B3GALT1: variants seen among roughly 807,000 people sequenced by gnomAD.
B3GALT1 encodes the protein beta-1,3-galactosyltransferase 1.
Under a neutral mutation model 23.2 loss-of-function variants are expected in B3GALT1, and 10 were observed. The observed-to-expected ratio is 0.43, with a 90% CI of 0.27 to 0.73. B3GALT1 has a LOEUF of 0.73. Ranked by LOEUF, B3GALT1 falls within the 30% of genes least tolerant of loss-of-function variation. The pLI is 0.21. For missense variants in B3GALT1, 299 were observed against 405.4 expected, an observed-to-expected ratio of 0.74 and a Z score of 2.25; for synonymous variants, 156 against 141.5, an observed-to-expected ratio of 1.10 and a Z score of -0.73.
At chr2:167,298,530 A>C (rs1385561559) in intron 1 of B3GALT1, among the ~76,000 whole-genome samples, 1 of 152,132 alleles carries the variant, frequency 6.6e-6, no homozygotes, top group African/African-American at 2.4e-5. Context: ...GTAACTTTGC[A>C]AGTAAAATAT....
At chr2:167,627,589 A>G (rs762388690) in intron 2 of B3GALT1, among the ~76,000 whole-genome samples, 4 of 151,698 alleles carry the variant, frequency 2.6e-5, no homozygotes, top group Non-Finnish European at 5.9e-5. Context: ...GACATTTGAA[A>G]TGTTGCGAGA....
chr2:167,501,842 A>C (rs886793366), intron 2 of B3GALT1, among the ~76,000 whole-genome samples: 3 of 152,054 alleles, frequency 2.0e-5, no homozygotes, highest in African/African-American at 7.2e-5. Context: ...TTAAGCCTTT[A>C]AAGTAGTGTT....
At chr2:167,484,034 T>C (rs1249319354) in intron 1 of B3GALT1, among the ~76,000 whole-genome samples, 1 of 152,212 alleles carries the variant, frequency 6.6e-6, no homozygotes, top group African/African-American at 2.4e-5. Flanking sequence ...CCCTATTGTC[T>C]TTAAGGAATA....
intron 4 of B3GALT1, among the ~76,000 whole-genome samples, chr2:167,833,880 G>A (rs1361680345): frequency 3.3e-5 from 5 of 152,102 alleles, no homozygotes; most frequent in African/African-American, 7.2e-5. Flanking sequence ...CTAAGGTACT[G>A]TTTACACCTA....
chr2:167,641,769 C>T (rs1685656714), intron 2 of B3GALT1, among the ~76,000 whole-genome samples: 1 of 152,146 alleles, frequency 6.6e-6, no homozygotes, highest in South Asian at 2.1e-4. Context: ...TTGGCGTGCT[C>T]AAGGACTCAG....
At chr2:167,491,880 C>T (rs780561757) in intron 2 of B3GALT1, among the ~76,000 whole-genome samples, 3 of 152,010 alleles carry the variant, frequency 2.0e-5, no homozygotes, top group Admixed American at 6.6e-5. Flanking sequence ...AGAGCTTCCA[C>T]ATAATCTTCT....
At chr2:167,395,799 A>G (rs1297548091) in intron 1 of B3GALT1, among the ~76,000 whole-genome samples, 1 of 152,174 alleles carries the variant, frequency 6.6e-6, no homozygotes, top group African/African-American at 2.4e-5. Context: ...AAAAAATCAA[A>G]TACAAAAATA....
rs1000690687 is a variant in B3GALT1, at chr2:167,542,254, T to C, written c.-410+51977T>C. ...GATGTTCTCTTTGTGTTTTCTAAAATTTCAGTCAGTTGTATTCAATTTTCT... is the reference window on the plus strand; with the variant it reads ...GATGTTCTCTTTGTGTTTTCTAAAACTTCAGTCAGTTGTATTCAATTTTCT... On this transcript the variant is annotated intron_variant, in intron 2 of 4. Transcript: ENST00000392690. Among the ~76,000 whole-genome samples, 9 of 152,118 alleles carry C rather than the reference T, an allele frequency of 5.9e-5. No individual in the cohort carries two copies. The East Asian group carries it at 1.7e-3, about 29-fold the overall frequency.
intron 2 of B3GALT1, among the ~76,000 whole-genome samples, chr2:167,582,389 C>T (rs1002941644): frequency 6.6e-6 from 1 of 152,106 alleles, no homozygotes; most frequent in Non-Finnish European, 1.5e-5. Flanking sequence ...ACTGCAGTGG[C>T]ATCATAAGTT....
At chr2:167,403,075 G>A (rs994590844) in intron 1 of B3GALT1, among the ~76,000 whole-genome samples, 10 of 150,912 alleles carry the variant, frequency 6.6e-5, no homozygotes, top group South Asian at 4.2e-4. Context: ...TGTGCACAAC[G>A]TGCAGGTTGC....
intron 1 of B3GALT1, among the ~76,000 whole-genome samples, chr2:167,369,380 T>A (rs1697644566): frequency 6.6e-6 from 1 of 152,120 alleles, no homozygotes; most frequent in South Asian, 2.1e-4. Context: ...CTCAGAATGA[T>A]AGGCTTGCAG....
rs183728437 is a variant in B3GALT1 at position 167,353,624 on chromosome 2, C to G, written c.-511+60290C>G. Among the ~76,000 whole-genome samples the G allele has an allele frequency of 4.5e-3, 685 of 152,128 alleles. 3 individuals carry two copies. The highest frequency in any genetic ancestry group is 7.6e-3 in the Non-Finnish European group (519 of 68,008). On this transcript the variant is annotated intron_variant, in intron 1 of 4. Coordinates refer to ENST00000392690, the MANE Select transcript of B3GALT1 (RefSeq NM_020981.4). ...AGTACAAGTATCATCAGGGATAATA[C>G]TTTTTATTATGTAGTTTGTATCATT...
At chr2:167,613,832 T>C (rs1322724993) in intron 2 of B3GALT1, among the ~76,000 whole-genome samples, 1 of 151,834 alleles carries the variant, frequency 6.6e-6, no homozygotes, top group African/African-American at 2.4e-5. Context: ...GATATTTAAA[T>C]ATCAAGAATG....
chr2:167,817,565 A>G (rs1323496813), intron 3 of B3GALT1, among the ~76,000 whole-genome samples: 2 of 143,698 alleles, frequency 1.4e-5, no homozygotes, highest in African/African-American at 6.0e-5. Context: ...ATAGAAACAG[A>G]GAGTCTTTTA....
intron 1 of B3GALT1, among the ~76,000 whole-genome samples, chr2:167,304,964 C>G (rs1424646150): frequency 6.6e-6 from 1 of 152,116 alleles, no homozygotes; most frequent in East Asian, 1.9e-4. Context: ...AGCAAATTCA[C>G]CCTTCCTCTG....
intron 1 of B3GALT1, among the ~76,000 whole-genome samples, chr2:167,405,960 A>G (rs1467984017): frequency 3.9e-5 from 6 of 152,322 alleles, no homozygotes; most frequent in Admixed American, 6.5e-5. Flanking sequence ...AGAAGAAAAT[A>G]AAAGACCAGA....
chr2:167,841,852 A>AATAT (rs1689658835), intron 4 of B3GALT1, among the ~76,000 whole-genome samples: 1 of 152,244 alleles, frequency 6.6e-6, no homozygotes, highest in Non-Finnish European at 1.5e-5. Flanking sequence ...AACCATAGGA[A>AATAT]ATAATGATAG....
At chr2:167,409,069 A>G (rs770683452) in intron 1 of B3GALT1, among the ~76,000 whole-genome samples, 8 of 152,330 alleles carry the variant, frequency 5.3e-5, no homozygotes, top group Non-Finnish European at 1.2e-4. Flanking sequence ...AGCCAAAACA[A>G]TCTTGAGCAA....
At chr2:167,354,750 T>G (rs1037456920) in intron 1 of B3GALT1, among the ~76,000 whole-genome samples, 1 of 152,244 alleles carries the variant, frequency 6.6e-6, no homozygotes, top group Non-Finnish European at 1.5e-5. Flanking sequence ...TAAAGGGCTT[T>G]ATACTTCAGC....
Sources: gnomAD v4.1 joint callset for allele counts (sites outside exome capture counted in the v4.1 genomes callset) on GRCh38, gnomAD v4.1.1 for gene constraint, MANE v1.5 for transcripts, NCBI Gene and HGNC (gene_info 2026-07-23, HGNC 2026-07-21) for gene names.